OSBPL10: variants seen among roughly 807,000 people sequenced by gnomAD.
OSBPL10 encodes oxysterol binding protein like 10, also known as oxysterol-binding protein-related protein 10.
OSBPL10 carries 49 observed loss-of-function variants against 81.7 expected under a neutral mutation model. The observed-to-expected ratio is 0.60, with a 90% CI of 0.48 to 0.76. The LOEUF is 0.76. Among genes scored for constraint, OSBPL10 ranks in the 30% least tolerant of loss-of-function variants. The pLI is 0.00. For missense variants in OSBPL10, 923 were observed against 987.8 expected, an observed-to-expected ratio of 0.93 and a Z score of 0.88; for synonymous variants, 419 against 383.6, an observed-to-expected ratio of 1.09 and a Z score of -1.08.
chr3:31,714,316 TG>T (rs1559429596), intron 6 of OSBPL10, among the ~76,000 whole-genome samples: 1 of 152,170 alleles, frequency 6.6e-6, no homozygotes, highest in Non-Finnish European at 1.5e-5. Flanking sequence ...GCAGCCTTGC[TG>T]GGCAGACAGT....
chr3:31,865,186 G>C (rs752266383), intron 3 of OSBPL10, among the ~76,000 whole-genome samples: 3 of 152,156 alleles, frequency 2.0e-5, no homozygotes, highest in Non-Finnish European at 4.4e-5. Flanking sequence ...TCCCTTCTTA[G>C]AAACCATTAA....
chr3:31,783,092 A>G (rs1698739139), intron 4 of OSBPL10, among the ~76,000 whole-genome samples: 1 of 145,624 alleles, frequency 6.9e-6, no homozygotes, highest in Non-Finnish European at 1.5e-5. Flanking sequence ...ATATGGATAT[A>G]TCTATATCAA....
Position 32,066,005 on chromosome 3 carries a change from AAGAG to A in OSBPL10, n.185+11387_185+11390del, listed in dbSNP as rs202020945. ...AAAGAAAGAAAGAAAGAAAGAAAGA[AAGAG>A]AAAGAAAGAAAGAAAGAGAGAGAGA... On this transcript the variant is annotated intron_variant and non_coding_transcript_variant, in intron 1 of 3. Coordinates refer to the OSBPL10 transcript ENST00000479173. Among the ~76,000 whole-genome samples, 4 of 48,626 alleles carry A rather than the reference AAGAG, an allele frequency of 8.2e-5. 1 individual carries two copies. The South Asian group carries it at 5.0e-3, about 61-fold the overall frequency. The allele number at this position is 48,626 out of a possible 152,430, so 31.9% of individuals were successfully genotyped here. A position where few individuals can be genotyped will look rare whatever the true frequency, so the allele number is the denominator to read the frequency against.
In OSBPL10 at chr3:31,743,422, T is replaced by C. The variant is rs560559339; in HGVS notation, c.940+4488A>G. ...CTTCAGACCCAGTATATCTTGGAGA[T>C]AATAACATCAGAAACAGGTCTGGGA... On this transcript the variant is annotated intron_variant, in intron 5 of 11. Coordinates refer to ENST00000396556, the MANE Select transcript of OSBPL10 (RefSeq NM_017784.5). Among the ~76,000 whole-genome samples the C allele has an allele frequency of 3.9e-5, 6 of 152,296 alleles. No individual in the cohort carries two copies. In the East Asian group the frequency reaches 9.7e-4, roughly 25 times the overall value.
At chr3:32,051,790 T>G (rs1436187252) in intron 1 of OSBPL10, among the ~76,000 whole-genome samples, 5 of 152,148 alleles carry the variant, frequency 3.3e-5, no homozygotes, top group Non-Finnish European at 7.4e-5. Context: ...TGTCTGCGTA[T>G]TTATATGTGG....
intron 2 of OSBPL10, among the ~76,000 whole-genome samples, chr3:31,988,106 C>A (rs1183645579): frequency 6.6e-6 from 1 of 152,200 alleles, no homozygotes; most frequent in Non-Finnish European, 1.5e-5. Context: ...TGCCTTGGAC[C>A]ACTGATCGCT....
At chr3:31,899,402 T>G (rs1338674430) in intron 1 of OSBPL10, among the ~76,000 whole-genome samples, 5 of 148,850 alleles carry the variant, frequency 3.4e-5, no homozygotes, top group Admixed American at 6.7e-5. Flanking sequence ...TGGGGTGGGG[T>G]GGAAAGAAGA....
intron 3 of OSBPL10, among the ~76,000 whole-genome samples, chr3:31,835,387 A>G (rs993352111): frequency 3.8e-5 from 2 of 52,386 alleles, no homozygotes; most frequent in African/African-American, 8.6e-5. Context: ...GCTGGTCCTC[A>G]AAACCTCTTA....
At chr3:31,705,469 G>A (rs1696034177) in intron 6 of OSBPL10, among the ~76,000 whole-genome samples, 1 of 150,880 alleles carries the variant, frequency 6.6e-6, no homozygotes, top group African/African-American at 2.4e-5. Context: ...GAGGTCCATG[G>A]CAATGTAAAT....
At chr3:31,697,643 T>C (rs914646392) in intron 7 of OSBPL10, among the ~76,000 whole-genome samples, 6 of 152,346 alleles carry the variant, frequency 3.9e-5, no homozygotes, top group African/African-American at 1.4e-4. Context: ...TCATCTTTTA[T>C]TCCTCTCTCT....
chr3:31,915,197 G>A (rs1308424594), intron 1 of OSBPL10, among the ~76,000 whole-genome samples: 1 of 149,438 alleles, frequency 6.7e-6, no homozygotes, highest in African/African-American at 2.5e-5. Flanking sequence ...AATGGTAACA[G>A]GGGGGAAAAA....
chr3:31,979,653 T>C (rs1478667432), intron 1 of OSBPL10, among the ~76,000 whole-genome samples: 1 of 152,120 alleles, frequency 6.6e-6, no homozygotes, highest in African/African-American at 2.4e-5. Flanking sequence ...CCAAAAAGCA[T>C]TGTTCTCCTC....
intron 1 of OSBPL10, among the ~76,000 whole-genome samples, chr3:31,914,067 C>T (rs578004458): frequency 6.6e-6 from 1 of 152,220 alleles, no homozygotes; most frequent in East Asian, 1.9e-4. Flanking sequence ...ATTATAGGCA[C>T]CCGCCACCAC....
intron 8 of OSBPL10, among the ~76,000 whole-genome samples, chr3:31,680,965 G>T (rs1452235181): frequency 6.6e-6 from 1 of 152,032 alleles, no homozygotes; most frequent in Admixed American, 6.6e-5. Flanking sequence ...CACTCTTACA[G>T]AAGATAACCT....
intron 4 of OSBPL10, among the ~76,000 whole-genome samples, chr3:31,817,235 C>T (rs1559478475): frequency 6.6e-6 from 1 of 152,188 alleles, no homozygotes; most frequent in African/African-American, 2.4e-5. Flanking sequence ...AAGATGGGGC[C>T]TTACTGGGGC....
intron 3 of OSBPL10, among the ~76,000 whole-genome samples, chr3:31,866,460 C>G (rs556280833): frequency 7.2e-5 from 11 of 152,326 alleles, no homozygotes; most frequent in Admixed American, 4.6e-4. Context: ...ACCCACAGAG[C>G]ATGCTCTCCT....
intron 2 of OSBPL10, among the ~76,000 whole-genome samples, chr3:32,035,209 AAAAG>A (rs1169332196): frequency 6.6e-6 from 1 of 152,190 alleles, no homozygotes; most frequent in Non-Finnish European, 1.5e-5. Flanking sequence ...TTTTAAAAAG[AAAAG>A]AAAGAAAGAA....
chr3:31,754,672 AG>A (rs1277801796), intron 4 of OSBPL10, among the ~76,000 whole-genome samples: 30 of 152,216 alleles, frequency 2.0e-4, no homozygotes, highest in African/African-American at 7.2e-4. Context: ...TAAACACTTT[AG>A]GTTTTGCAGA....
chr3:31,831,038 G>A (rs1575572105), intron 3 of OSBPL10, among the ~76,000 whole-genome samples: 1 of 152,134 alleles, frequency 6.6e-6, no homozygotes, highest in Non-Finnish European at 1.5e-5. Context: ...ATGGATCAAA[G>A]ATTTAAGAAA....
Sources: allele counts gnomAD v4.1 joint callset (sites outside exome capture counted in the v4.1 genomes callset), GRCh38; gene constraint gnomAD v4.1.1; transcripts MANE v1.5; gene names NCBI Gene and HGNC (gene_info 2026-07-23, HGNC 2026-07-21).